The following KIAA1217 variants were observed in gnomAD, a reference collection of about 807,000 sequenced individuals.
KIAA1217 encodes the protein sickle tail protein homolog.
A neutral mutation model predicts 163.9 loss-of-function variants in KIAA1217; 88 were observed. The observed-to-expected ratio is 0.54, with a 90% CI of 0.45 to 0.64. The LOEUF (loss-of-function observed/expected upper bound fraction) is 0.64. KIAA1217 is among the 30% of genes least tolerant of loss of function. The pLI, the probability that KIAA1217 is intolerant of heterozygous loss-of-function variation, is 0.00. For synonymous variants in KIAA1217, 903 were observed against 923.1 expected, an observed-to-expected ratio of 0.98 and a Z score of 0.39; for missense variants, 2,372 against 2,475.0, an observed-to-expected ratio of 0.96 and a Z score of 0.88.
chr10:24,284,987 G>A (rs1056644477), intron 2 of KIAA1217, among the ~76,000 whole-genome samples: 1 of 152,174 alleles, frequency 6.6e-6, no homozygotes, highest in African/African-American at 2.4e-5. Context: ...AATGATCAAT[G>A]ATGATTAGCT....
At chr10:24,017,841 A>G (rs1847556063) in intron 2 of KIAA1217, among the ~76,000 whole-genome samples, 1 of 152,136 alleles carries the variant, frequency 6.6e-6, no homozygotes, top group African/African-American at 2.4e-5. Context: ...AAGACATAGC[A>G]ATGTGGAACA....
intron 1 of KIAA1217, among the ~76,000 whole-genome samples, chr10:23,862,692 G>C (rs1840009939): frequency 6.6e-6 from 1 of 152,044 alleles, no homozygotes; most frequent in South Asian, 2.1e-4. Flanking sequence ...AATGAGGAGA[G>C]TGGCAGACAA....
At chr10:24,016,036 A>G (rs546829828) in intron 2 of KIAA1217, among the ~76,000 whole-genome samples, 6 of 152,150 alleles carry the variant, frequency 3.9e-5, no homozygotes, top group Non-Finnish European at 8.8e-5. Flanking sequence ...AGAGGAAAAT[A>G]AGGTACCATT....
chr10:23,850,676 G>C (rs762820990), intron 1 of KIAA1217, among the ~76,000 whole-genome samples: 1 of 152,086 alleles, frequency 6.6e-6, no homozygotes, highest in Non-Finnish European at 1.5e-5. Flanking sequence ...GAAACTCCCT[G>C]TATTAGTCTG....
chr10:24,047,556 T>C (rs1468158265), intron 2 of KIAA1217, among the ~76,000 whole-genome samples: 3 of 152,226 alleles, frequency 2.0e-5, no homozygotes, highest in Admixed American at 2.0e-4. Context: ...ACAATTGCTA[T>C]AGAGAATAAA....
At chr10:24,085,258 G>C (rs927601395) in intron 2 of KIAA1217, among the ~76,000 whole-genome samples, 2 of 152,052 alleles carry the variant, frequency 1.3e-5, no homozygotes, top group Middle Eastern at 3.2e-3. Flanking sequence ...AGATAGTTCA[G>C]TGGTTCGCAG....
intron 2 of KIAA1217, among the ~76,000 whole-genome samples, chr10:24,270,959 A>T (rs934212738): frequency 5.3e-5 from 8 of 152,178 alleles, no homozygotes; most frequent in East Asian, 1.9e-4. Context: ...TTCACTATTT[A>T]TTCTGCTGAG....
At chr10:24,171,185 C>G (rs571655731) in intron 2 of KIAA1217, among the ~76,000 whole-genome samples, 37 of 152,312 alleles carry the variant, frequency 2.4e-4, no homozygotes, top group African/African-American at 8.2e-4. Context: ...GTGCTCCGAG[C>G]AAATGGGTTT....
intron 2 of KIAA1217, among the ~76,000 whole-genome samples, chr10:24,287,754 GTC>G (rs777084692): frequency 3.3e-5 from 5 of 152,170 alleles, no homozygotes; most frequent in Admixed American, 2.0e-4. Flanking sequence ...GACCTCTGCT[GTC>G]TATCAAATTC....
At chr10:24,339,888 T>C (rs1013834603) in intron 2 of KIAA1217, among the ~76,000 whole-genome samples, 2 of 152,244 alleles carry the variant, frequency 1.3e-5, no homozygotes, top group African/African-American at 4.8e-5. Flanking sequence ...ATTCTCCCCT[T>C]TTCTTTGACT....
chr10:24,218,996 A>T (rs1290750539), intron 1 of KIAA1217, among the ~76,000 whole-genome samples: 1 of 152,230 alleles, frequency 6.6e-6, no homozygotes, highest in Non-Finnish European at 1.5e-5. Context: ...GTTATTAAAA[A>T]TACAGAAATA....
intron 2 of KIAA1217, among the ~76,000 whole-genome samples, chr10:24,302,452 C>G (rs1036765776): frequency 3.3e-5 from 5 of 152,138 alleles, no homozygotes; most frequent in African/African-American, 9.7e-5. Context: ...ATGTGTTGCT[C>G]TTTTATGAGT....
At chr10:24,272,520 G>A (rs575166979) in intron 2 of KIAA1217, among the ~76,000 whole-genome samples, 33 of 152,250 alleles carry the variant, frequency 2.2e-4, no homozygotes, top group Non-Finnish European at 4.1e-4. Context: ...TCACCAAGCC[G>A]CTCCATCATT....
chr10:24,158,226 G>A (rs1057499088), intron 2 of KIAA1217: 2 of 730,782 alleles, frequency 2.7e-6, no homozygotes, highest in Admixed American at 1.8e-5. Context: ...CTGGAACAGG[G>A]CAAAGTACGT....
chr10:24,293,365 C>T (rs2079298114), intron 2 of KIAA1217, among the ~76,000 whole-genome samples: 1 of 152,238 alleles, frequency 6.6e-6, no homozygotes, highest in South Asian at 2.1e-4. Context: ...GCCACCGCGC[C>T]TGGCTGGGAA....
intron 1 of KIAA1217, among the ~76,000 whole-genome samples, chr10:23,854,598 A>C (rs1482680591): frequency 1.3e-5 from 2 of 152,044 alleles, no homozygotes; most frequent in Admixed American, 1.3e-4. Context: ...TGATCTGTCT[A>C]ATTTTGACAG....
intron 3 of KIAA1217, among the ~76,000 whole-genome samples, chr10:24,390,916 A>G (rs957385045): frequency 1.3e-5 from 2 of 152,214 alleles, no homozygotes; most frequent in Non-Finnish European, 2.9e-5. Flanking sequence ...CAATTCACCC[A>G]TAAGAAAGAA....
chr10:23,789,910 C>A (rs1835661748), intron 1 of KIAA1217, among the ~76,000 whole-genome samples: 1 of 142,956 alleles, frequency 7.0e-6, no homozygotes, highest in Admixed American at 7.0e-5. Flanking sequence ...TATACATATA[C>A]ATATGCATAT....
intron 1 of KIAA1217, among the ~76,000 whole-genome samples, chr10:23,784,932 T>C (rs1462716839): frequency 6.6e-6 from 1 of 152,134 alleles, no homozygotes. Context: ...AACTATTGTT[T>C]TGAAAAAAAA....
Sources: gnomAD v4.1 joint callset for allele counts (sites outside exome capture counted in the v4.1 genomes callset) on GRCh38, gnomAD v4.1.1 for gene constraint, MANE v1.5 for transcripts, NCBI Gene and HGNC (gene_info 2026-07-23, HGNC 2026-07-21) for gene names.